MASP1: variants seen among roughly 807,000 people sequenced by gnomAD.
The protein encoded by MASP1 is MBL associated serine protease 1.
A neutral mutation model predicts 77.1 loss-of-function variants in MASP1; 59 were observed. The ratio of observed to expected loss-of-function variants is 0.77; its 90% CI spans 0.62 to 0.95. The LOEUF (loss-of-function observed/expected upper bound fraction) is 0.95. Ranked by LOEUF, MASP1 falls within the 40% of genes least tolerant of loss-of-function variation. The pLI is 0.00. For synonymous variants in MASP1, 362 were observed against 354.5 expected (o/e 1.02, Z -0.24); for missense variants, 885 against 912.9 (o/e 0.97, Z 0.39).
In MASP1 at chr3:187,235,167, CA is replaced by C. The variant is rs779235904; in HGVS notation, c.*516del. 7.8e-7 allele frequency: 1 copy of C among 1,287,714 alleles called. No individual in the cohort carries two copies. The allele number at this position is 1,287,714 out of a possible 1,614,324, so 79.8% of individuals were successfully genotyped here. A position where few individuals can be genotyped will look rare whatever the true frequency, so the allele number is the denominator to read the frequency against. Reference sequence around the variant, plus strand: ...AGGGGCTTGGCTATGAGCCATCTCCCAAAACCTGAATGCTCTTCTCCTAGAG... The same window carrying C: ...AGGGGCTTGGCTATGAGCCATCTCCCAAACCTGAATGCTCTTCTCCTAGAG... On this transcript the variant is annotated 3_prime_UTR_variant, in exon 11 of 11. Coordinates refer to ENST00000296280, the MANE Select transcript of MASP1 (RefSeq NM_139125.4).
At chr3:187,286,704 C>T (rs1445869242) in intron 1 of MASP1, among the ~76,000 whole-genome samples, 1 of 152,190 alleles carries the variant, frequency 6.6e-6, no homozygotes, top group East Asian at 1.9e-4. Context: ...GTCACCATGG[C>T]TGACGCAATA....
At chr3:187,221,084 C>A in exon 15 of MASP1, 2 of 1,614,112 alleles carry the variant, frequency 1.2e-6, no homozygotes, top group African/African-American at 2.7e-5. Context: ...TCTTCTTCAG[C>A]GGGGCATAAG....
chr3:187,288,542 A>AATAATAACGACATCC (rs1718039505), intron 1 of MASP1, among the ~76,000 whole-genome samples: 1 of 152,242 alleles, frequency 6.6e-6, no homozygotes, highest in Non-Finnish European at 1.5e-5. Context: ...CAGCACTGCT[A>AATAATAACGACATCC]TCAGCGTAAA....
chr3:187,237,246 G>A (rs1713260871), intron 10 of MASP1, among the ~76,000 whole-genome samples: 1 of 152,110 alleles, frequency 6.6e-6, no homozygotes, highest in South Asian at 2.1e-4. Flanking sequence ...TATTTGCCTT[G>A]GCCATCACCA....
At chr3:187,281,653 A>G (rs184319576) in intron 2 of MASP1, among the ~76,000 whole-genome samples, 14 of 152,314 alleles carry the variant, frequency 9.2e-5, no homozygotes, top group Admixed American at 7.8e-4. Flanking sequence ...CTGTAAACAT[A>G]CGATTTCTGT....
At chr3:187,251,974 A>G (rs1161518168) in intron 6 of MASP1, among the ~76,000 whole-genome samples, 1 of 152,230 alleles carries the variant, frequency 6.6e-6, no homozygotes, top group African/African-American at 2.4e-5. Flanking sequence ...GAAATGGTTG[A>G]CCAGATGATT....
At position 187,291,710 on chromosome 3, in the gene MASP1, G is replaced by A; in HGVS notation, c.-78C>T. On this transcript the variant is annotated 5_prime_UTR_variant, in exon 1 of 11. Coordinates refer to ENST00000296280, the MANE Select transcript of MASP1 (RefSeq NM_139125.4). ...TTGCCTGTGAGCTCGTGCCCGGTGT[G>A]GTGTCCGTGATGCCTTATCTTTGTT... The A allele has an allele frequency of 1.9e-6, 3 of 1,565,334 alleles. No homozygotes were observed. Among genetic ancestry groups the A allele is most frequent in the South Asian group, 2.2e-5 (2 of 90,058 alleles).
At chr3:187,256,541 T>G (rs528215424) in intron 5 of MASP1, 123 bp downstream of exon 5, 19 of 878,950 alleles carry the variant, frequency 2.2e-5, no homozygotes, top group East Asian at 2.1e-4. Context: ...AATGCCTTTT[T>G]GAGGAACTAG....
chr3:187,278,888 C>T (rs1269146921), intron 2 of MASP1, among the ~76,000 whole-genome samples: 3 of 152,186 alleles, frequency 2.0e-5, no homozygotes, highest in Admixed American at 2.0e-4. Context: ...TTTATTTTGA[C>T]TTTACTAGTC....
At chr3:187,263,389 T>A (rs1373508626) in intron 2 of MASP1, 4 of 152,264 alleles carry the variant, frequency 2.6e-5, no homozygotes, top group Non-Finnish European at 4.4e-5. Context: ...TGGCACATAA[T>A]AGTTATCCAA....
At chr3:187,232,711 T>G (rs916947425), downstream of MASP1, among the ~76,000 whole-genome samples, 1 of 152,124 alleles carries the variant, frequency 6.6e-6, no homozygotes, top group Non-Finnish European at 1.5e-5. Flanking sequence ...TGTCACAACC[T>G]CAGTACCTCA....
Position 187,247,413 on chromosome 3 carries a change from GA to G in MASP1, c.1090+2837del, listed in dbSNP as rs763696051. On this transcript the variant is annotated intron_variant, in intron 8 of 10. Transcript: ENST00000296280. ...GCCACCATGGTGAAGATCAAAGAGG[GA>G]TCAAGAGATACAGAGGAAGGAAGCA... The G allele has an allele frequency of 1.4e-4, 218 of 1,613,626 alleles. No homozygotes were observed. In the African/African-American group the frequency reaches 2.7e-3, roughly 20 times the overall value.
intron 13 of MASP1, among the ~76,000 whole-genome samples, chr3:187,224,658 T>C (rs1473222832): frequency 6.6e-6 from 1 of 152,210 alleles, no homozygotes; most frequent in African/African-American, 2.4e-5. Flanking sequence ...TGCTGAGTAT[T>C]AAGCCATTGT....
intron 13 of MASP1, among the ~76,000 whole-genome samples, chr3:187,224,169 TGG>T (rs1712236638): frequency 6.6e-6 from 1 of 152,178 alleles, no homozygotes. Context: ...CCAGCTGACA[TGG>T]GTCACCTATG....
exon 16 of MASP1, chr3:187,217,397 T>C (rs1711832282): frequency 6.6e-6 from 1 of 152,244 alleles, no homozygotes; most frequent in African/African-American, 2.4e-5. Context: ...GCACTCATGG[T>C]ATGAAATTAT....
chr3:187,243,767 T>C, intron 8 of MASP1, 146 bp from the exon 9 acceptor site: 1 of 986,884 alleles, frequency 1.0e-6, no homozygotes, highest in African/African-American at 1.6e-5. Context: ...AGGGCACCCC[T>C]GGGGTGTGCA....
chr3:187,222,236 T>C (rs1712105982), intron 14 of MASP1, among the ~76,000 whole-genome samples: 1 of 152,226 alleles, frequency 6.6e-6, no homozygotes, highest in Non-Finnish European at 1.5e-5. Context: ...TGGAGCATCC[T>C]GCATTTCTCT....
Position 187,235,705 on chromosome 3 carries a change from C to T in MASP1, c.2166G>A (p.Val722=), listed in dbSNP as rs1713096609. The change falls in exon 11 of 11, where the codon GTG becomes GTA. Residue 722 remains valine, a synonymous_variant. Coordinates refer to ENST00000296280, the MANE Select transcript of MASP1 (RefSeq NM_139125.4). ...WEQMGLPQSV[V]EPQVER Reference sequence around the variant, plus strand: ...CAGCTCACCGTTCCACCTGGGGCTCCACAACACTTTGTGGTAAGCCCATCT... The same window carrying T: ...CAGCTCACCGTTCCACCTGGGGCTCTACAACACTTTGTGGTAAGCCCATCT... 5.0e-6 allele frequency: 8 copies of T among 1,614,196 alleles called. No individual in the cohort carries two copies. In the East Asian group the frequency reaches 8.9e-5, roughly 18 times the overall value.
At chr3:187,250,178 T>A in intron 8 of MASP1, 73 bp downstream of exon 8, 1 of 1,230,822 alleles carries the variant, frequency 8.1e-7, no homozygotes, top group Non-Finnish European at 1.2e-6. Flanking sequence ...CTTTCACCCT[T>A]GCATGCTCTG....
Sources: gnomAD v4.1 joint callset for allele counts (sites outside exome capture counted in the v4.1 genomes callset) on GRCh38, gnomAD v4.1.1 for gene constraint, MANE v1.5 for transcripts, NCBI Gene and HGNC (gene_info 2026-07-23, HGNC 2026-07-21) for gene names.